CCL28: variants seen among roughly 807,000 people sequenced by gnomAD.
The protein encoded by CCL28 is C-C motif chemokine ligand 28.
Under a neutral mutation model 7.1 loss-of-function variants are expected in CCL28, and 4 were observed. The ratio of observed to expected loss-of-function variants is 0.56; its 90% CI spans 0.28 to 1.29. The LOEUF (loss-of-function observed/expected upper bound fraction) is 1.29. Among genes scored for constraint, CCL28 ranks in the 50% most tolerant of loss-of-function variants. The pLI, the probability that CCL28 is intolerant of heterozygous loss-of-function variation, is 0.11. For synonymous variants in CCL28, 55 were observed against 57.8 expected (o/e 0.95, Z 0.22); for missense variants, 151 against 163.4 (o/e 0.92, Z 0.41).
downstream of CCL28, among the ~76,000 whole-genome samples, chr5:43,375,717 G>A (rs992819875): frequency 6.6e-6 from 1 of 152,156 alleles, no homozygotes; most frequent in African/African-American, 2.4e-5. Flanking sequence ...TGGGGCCGGG[G>A]ATGGTGGCTC....
chr5:43,391,004 A>G (rs951851842), intron 1 of CCL28, among the ~76,000 whole-genome samples: 1 of 152,234 alleles, frequency 6.6e-6, no homozygotes, highest in Non-Finnish European at 1.5e-5. Flanking sequence ...TTGAGATTGT[A>G]TCAACTTTTG....
chr5:43,387,710 G>A (rs1180916642), intron 2 of CCL28, among the ~76,000 whole-genome samples: 1 of 152,156 alleles, frequency 6.6e-6, no homozygotes, highest in Non-Finnish European at 1.5e-5. Context: ...GCTCACTGCA[G>A]CCTCGAACTG....
the CCL28 span, among the ~76,000 whole-genome samples, chr5:43,367,293 C>T: frequency 6.6e-6 from 1 of 152,204 alleles, no homozygotes; most frequent in Admixed American, 6.5e-5. Flanking sequence ...AAAAAATCTC[C>T]TGCAGCTAGC....
the CCL28 span, among the ~76,000 whole-genome samples, chr5:43,363,059 T>C: frequency 2.0e-5 from 3 of 152,222 alleles, no homozygotes; most frequent in Non-Finnish European, 4.4e-5. Context: ...AGTTTACCTT[T>C]ATTTACAAGA....
At chr5:43,397,217 C>T (rs1740847892) in intron 1 of CCL28, 5 of 152,274 alleles carry the variant, frequency 3.3e-5, no homozygotes, top group Non-Finnish European at 1.5e-5. Context: ...CGCCTGGACC[C>T]GGGGGAGCCG....
Position 43,381,839 on chromosome 5 carries a change from G to A in CCL28, c.*21C>T. On this transcript the variant is annotated 3_prime_UTR_variant, in exon 3 of 3. Transcript: ENST00000361115. ...CAAGTCCACTTGAGGAATTGTCTCT[G>A]TAGATTTATCTGTAGACTCTCTAAT... 1 of 1,584,006 alleles carries A rather than the reference G, an allele frequency of 6.3e-7. No individual in the cohort carries two copies. Among genetic ancestry groups the A allele is most frequent in the Middle Eastern group, 1.7e-4 (1 of 5,940 alleles).
In CCL28 at chr5:43,408,655, G is replaced by T. The variant is rs572295456; in HGVS notation, c.64+3598C>A. On this transcript the variant is annotated intron_variant, in intron 1 of 2. Transcript: ENST00000361115. ...AAGTATAATAAAAAAAAATTGGTGT[G>T]GATGTATGTGTGGGTTCACATTGCT... 1.8e-3 allele frequency among the ~76,000 whole-genome samples: 277 copies of T among 152,038 alleles called. 2 individuals are homozygous for T. The highest frequency in any genetic ancestry group is 6.4e-3 in the African/African-American group (267 of 41,494).
intron 1 of CCL28, among the ~76,000 whole-genome samples, chr5:43,407,291 A>G (rs1039045176): frequency 6.6e-6 from 1 of 152,232 alleles, no homozygotes; most frequent in Non-Finnish European, 1.5e-5. Context: ...GTACCAAAAC[A>G]GAGATATAGG....
At chr5:43,398,590 C>A (rs1740909069) in intron 1 of CCL28, among the ~76,000 whole-genome samples, 2 of 152,176 alleles carry the variant, frequency 1.3e-5, no homozygotes, top group African/African-American at 4.8e-5. Flanking sequence ...GTGGCTCATG[C>A]CTGTAATCCC....
rs967323213 is a variant in CCL28, at chr5:43,379,588, G to A, written c.*2272C>T. ...ATATTAGGCAAAGGCCAGTTTTGGT[G>A]GCATTTTAACCTATGGAGACTCAGT... On this transcript the variant is annotated 3_prime_UTR_variant, in exon 3 of 3. Coordinates refer to ENST00000361115, the MANE Select transcript of CCL28 (RefSeq NM_148672.3). 3.3e-5 allele frequency: 5 copies of A among 152,136 alleles called. No individual in the cohort carries two copies. Among genetic ancestry groups the A allele is most frequent in the Admixed American group, 2.6e-4 (4 of 15,270 alleles). 9.4% of individuals were successfully genotyped at this position (152,136 alleles called of 1,614,324 possible). A position where few individuals can be genotyped will look rare whatever the true frequency, so the allele number is the denominator to read the frequency against.
At chr5:43,371,992 T>A (rs1380056924), downstream of CCL28, among the ~76,000 whole-genome samples, 1 of 151,938 alleles carries the variant, frequency 6.6e-6, no homozygotes, top group Non-Finnish European at 1.5e-5. Context: ...GTGGATCACA[T>A]GGTAAGAGAG....
the CCL28 span, among the ~76,000 whole-genome samples, chr5:43,362,924 G>A: frequency 6.6e-6 from 1 of 152,132 alleles, no homozygotes; most frequent in Non-Finnish European, 1.5e-5. Flanking sequence ...CCTTGCAGTT[G>A]TCACCCGTGA....
the CCL28 span, among the ~76,000 whole-genome samples, chr5:43,369,037 AG>A: frequency 0.25 from 225 of 890 alleles, 2 homozygotes; most frequent in South Asian, 0.41. Flanking sequence ...AAAGAGAGAA[AG>A]AGAGAGAGAG....
chr5:43,377,604 T>C (rs1197434679), downstream of CCL28: 2 of 150,112 alleles, frequency 1.3e-5, no homozygotes, highest in East Asian at 3.9e-4. Context: ...AGAAAAATAA[T>C]TGTAATGAAA....
chr5:43,377,879 C>T (rs1377206970), downstream of CCL28, among the ~76,000 whole-genome samples: 17 of 148,612 alleles, frequency 1.1e-4, no homozygotes, highest in Non-Finnish European at 4.5e-5. Flanking sequence ...ACTACAGGCG[C>T]CCGCCACTAC....
chr5:43,367,832 C>T, the CCL28 span, among the ~76,000 whole-genome samples: 2 of 152,352 alleles, frequency 1.3e-5, no homozygotes, highest in East Asian at 3.9e-4. Context: ...CCCGCAACTA[C>T]CAATGTATGT....
chr5:43,409,841 A>T (rs1741461283), intron 1 of CCL28, among the ~76,000 whole-genome samples: 1 of 152,100 alleles, frequency 6.6e-6, no homozygotes. Context: ...GGGCCACCGA[A>T]ACAGGATGAT....
chr5:43,410,439 T>C (rs6451691), intron 1 of CCL28, among the ~76,000 whole-genome samples: 8,062 of 152,292 alleles, frequency 0.053, 581 homozygotes, highest in African/African-American at 0.17. Context: ...TAAACTGCCT[T>C]AGGTAAAGCA....
chr5:43,359,150 G>A, the CCL28 span, among the ~76,000 whole-genome samples: 1 of 152,182 alleles, frequency 6.6e-6, no homozygotes, highest in Non-Finnish European at 1.5e-5. Flanking sequence ...GACAAGCTCG[G>A]TTGTGGAGAC....
Sources: gnomAD v4.1 joint callset for allele counts (sites outside exome capture counted in the v4.1 genomes callset) on GRCh38, gnomAD v4.1.1 for gene constraint, MANE v1.5 for transcripts, NCBI Gene and HGNC (gene_info 2026-07-23, HGNC 2026-07-21) for gene names.